Variants in SLC4A10 observed in about 807,000 individuals in gnomAD.
The protein encoded by SLC4A10 is solute carrier family 4 member 10, also known as sodium-driven chloride bicarbonate exchanger.
Under a neutral mutation model 137.7 loss-of-function variants are expected in SLC4A10, and 42 were observed. The observed-to-expected ratio is 0.30, with a 90% CI of 0.24 to 0.39. SLC4A10 has a LOEUF of 0.39. SLC4A10 is among the 10% of genes least tolerant of loss of function. SLC4A10 has a pLI of 1.00. For missense variants in SLC4A10, 925 were observed against 1,355.0 expected (o/e 0.68, Z 4.98); for synonymous variants, 474 against 464.1 (o/e 1.02, Z -0.27).
chr2:161,952,773 C>T (rs540022896), intron 19 of SLC4A10, among the ~76,000 whole-genome samples: 4 of 152,180 alleles, frequency 2.6e-5, no homozygotes, highest in Non-Finnish European at 5.9e-5. Context: ...CCTATTGGGC[C>T]TATAACTCTT....
intron 1 of SLC4A10, among the ~76,000 whole-genome samples, chr2:161,690,922 G>A (rs1002708755): frequency 3.9e-5 from 6 of 152,056 alleles, no homozygotes; most frequent in African/African-American, 1.4e-4. Flanking sequence ...TGCATGTCCT[G>A]TACATGTATC....
At chr2:161,746,435 T>G (rs2048391081) in intron 1 of SLC4A10, among the ~76,000 whole-genome samples, 1 of 152,018 alleles carries the variant, frequency 6.6e-6, no homozygotes, top group African/African-American at 2.4e-5. Flanking sequence ...AAGGACTACT[T>G]AGTCAACAGG....
chr2:161,956,246 A>G (rs982933284), intron 19 of SLC4A10, among the ~76,000 whole-genome samples: 1 of 152,176 alleles, frequency 6.6e-6, no homozygotes, highest in Non-Finnish European at 1.5e-5. Flanking sequence ...TATCATCATC[A>G]TCGTTTTTCA....
intron 3 of SLC4A10, among the ~76,000 whole-genome samples, chr2:161,815,698 TGG>T (rs34900533): frequency 4.6e-5 from 7 of 152,276 alleles, no homozygotes; most frequent in African/African-American, 1.7e-4. Context: ...TAATTAATCT[TGG>T]GTGTTTCCCT....
At chr2:161,883,388 ATAT>A (rs2061967687) in intron 10 of SLC4A10, among the ~76,000 whole-genome samples, 1 of 152,174 alleles carries the variant, frequency 6.6e-6, no homozygotes, top group African/African-American at 2.4e-5. Context: ...TGGGGGTTAA[ATAT>A]TATAAATTCT....
At chr2:161,701,067 A>C (rs1236293867) in intron 1 of SLC4A10, among the ~76,000 whole-genome samples, 1 of 152,068 alleles carries the variant, frequency 6.6e-6, no homozygotes, top group Non-Finnish European at 1.5e-5. Context: ...ATCCTTGCAC[A>C]ACAATCTGCC....
At chr2:161,933,520 G>T (rs1192034106) in intron 15 of SLC4A10, among the ~76,000 whole-genome samples, 1 of 151,910 alleles carries the variant, frequency 6.6e-6, no homozygotes, top group East Asian at 1.9e-4. Flanking sequence ...AGCCTCCCGA[G>T]TAACTAGGAC....
chr2:161,801,419 T>C (rs2055354070), intron 2 of SLC4A10, among the ~76,000 whole-genome samples: 1 of 152,100 alleles, frequency 6.6e-6, no homozygotes, highest in Non-Finnish European at 1.5e-5. Context: ...AATTACACTG[T>C]CTGCTGTTTT....
intron 3 of SLC4A10, among the ~76,000 whole-genome samples, chr2:161,835,579 T>A (rs2058715740): frequency 6.6e-6 from 1 of 152,218 alleles, no homozygotes; most frequent in African/African-American, 2.4e-5. Flanking sequence ...CAGTTATCCC[T>A]ACAATGGTAA....
chr2:161,694,016 G>A (rs2042249858), intron 1 of SLC4A10, among the ~76,000 whole-genome samples: 2 of 151,940 alleles, frequency 1.3e-5, no homozygotes, highest in African/African-American at 4.8e-5. Flanking sequence ...CAAAAGTGTT[G>A]CCAATCATTG....
intron 5 of SLC4A10, among the ~76,000 whole-genome samples, chr2:161,857,029 T>C (rs1265369011): frequency 6.6e-6 from 1 of 152,198 alleles, no homozygotes; most frequent in Non-Finnish European, 1.5e-5. Flanking sequence ...TCACATTTCT[T>C]AAATTATGTA....
At chr2:161,932,868 A>G (rs895287240) in intron 15 of SLC4A10, among the ~76,000 whole-genome samples, 14 of 152,036 alleles carry the variant, frequency 9.2e-5, no homozygotes, top group Non-Finnish European at 1.6e-4. Context: ...TCTAGGTCTG[A>G]TCTTTTCTCC....
chr2:161,664,178 A>G (rs2038773512), intron 1 of SLC4A10, among the ~76,000 whole-genome samples: 1 of 151,922 alleles, frequency 6.6e-6, no homozygotes, highest in Non-Finnish European at 1.5e-5. Context: ...GCATTGTGGT[A>G]CTGTTTTCTT....
At chr2:161,646,318 T>C (rs1490204398) in intron 1 of SLC4A10, among the ~76,000 whole-genome samples, 1 of 152,018 alleles carries the variant, frequency 6.6e-6, no homozygotes, top group Admixed American at 6.5e-5. Context: ...TAGCTAGGTA[T>C]TTTTTATGAT....
chr2:161,676,545 A>G (rs757458078), intron 1 of SLC4A10, among the ~76,000 whole-genome samples: 1 of 152,138 alleles, frequency 6.6e-6, no homozygotes, highest in Non-Finnish European at 1.5e-5. Context: ...GATTTTTAAA[A>G]CTAGGTTATA....
intron 6 of SLC4A10, among the ~76,000 whole-genome samples, chr2:161,864,327 T>C (rs936792332): frequency 3.9e-5 from 6 of 152,224 alleles, no homozygotes; most frequent in African/African-American, 1.2e-4. Flanking sequence ...AAATATCATG[T>C]AATCTCACCC....
intron 26 of SLC4A10, among the ~76,000 whole-genome samples, chr2:161,980,518 G>C (rs970676224): frequency 1.3e-5 from 2 of 151,970 alleles, no homozygotes; most frequent in African/African-American, 4.8e-5. Flanking sequence ...GTATGGTAAC[G>C]CACACCTGTA....
intron 1 of SLC4A10, among the ~76,000 whole-genome samples, chr2:161,731,659 G>C (rs58903692): frequency 8.1e-4 from 123 of 152,132 alleles, no homozygotes; most frequent in African/African-American, 2.8e-3. Context: ...AGGTGAATAG[G>C]TGTCAAGAGA....
intron 1 of SLC4A10, among the ~76,000 whole-genome samples, chr2:161,719,248 G>T (rs1574545192): frequency 6.6e-6 from 1 of 151,942 alleles, no homozygotes; most frequent in Non-Finnish European, 1.5e-5. Context: ...ATTTTTTATG[G>T]CTGCATAGTA....
Sources: gnomAD v4.1 joint callset for allele counts (sites outside exome capture counted in the v4.1 genomes callset) on GRCh38, gnomAD v4.1.1 for gene constraint, MANE v1.5 for transcripts, NCBI Gene and HGNC (gene_info 2026-07-23, HGNC 2026-07-21) for gene names.